CNTN5: variants seen among roughly 807,000 people sequenced by gnomAD.
CNTN5 encodes the protein contactin 5, also known as contactin-5.
In CNTN5, 77 loss-of-function variants were observed where a neutral mutation model predicts 129.1. That is an observed-to-expected ratio of 0.60 (90% CI 0.50 to 0.72). CNTN5 has a LOEUF of 0.72. CNTN5 is among the 30% of genes least tolerant of loss of function. The probability of loss-of-function intolerance (pLI) is 0.00; values close to 1 mark genes in which losing one functional copy is unlikely to be tolerated. For synonymous variants in CNTN5, 509 were observed against 465.6 expected (o/e 1.09, Z -1.20); for missense variants, 1,478 against 1,328.8 (o/e 1.11, Z -1.75).
chr11:99,057,367 A>G (rs1418910092), intron 1 of CNTN5, among the ~76,000 whole-genome samples: 1 of 152,038 alleles, frequency 6.6e-6, no homozygotes, highest in Non-Finnish European at 1.5e-5. Flanking sequence ...TGGCCTTATA[A>G]TAAATAATGC....
intron 8 of CNTN5, among the ~76,000 whole-genome samples, chr11:99,992,457 C>A (rs1939171540): frequency 6.6e-6 from 1 of 152,146 alleles, no homozygotes; most frequent in African/African-American, 2.4e-5. Context: ...GTCAGTTATA[C>A]TCTAATCCTC....
At position 99,433,421 on chromosome 11, in the gene CNTN5, G is replaced by A. The variant is rs936833418; in HGVS notation, c.-71+107937G>A. ...TGTGTGTCTTTGTGTGTGTGTGTGT[G>A]TCTATGTTATAGTTAAACTTTTAGG... On this transcript the variant is annotated intron_variant, in intron 2 of 24. Coordinates refer to ENST00000524871, the MANE Select transcript of CNTN5 (RefSeq NM_014361.4). Among the ~76,000 whole-genome samples, 32 of 132,984 alleles carry A rather than the reference G, an allele frequency of 2.4e-4. 1 individual carries two copies. Among genetic ancestry groups the A allele is most frequent in the African/African-American group, 8.9e-4 (32 of 35,872 alleles). 87.2% of individuals were successfully genotyped at this position (132,984 alleles called of 152,430 possible).
intron 6 of CNTN5, among the ~76,000 whole-genome samples, chr11:99,875,520 A>C (rs1948610253): frequency 6.6e-6 from 1 of 152,170 alleles, no homozygotes; most frequent in African/African-American, 2.4e-5. Flanking sequence ...AAGGTATTAA[A>C]AATTATAAAA....
intron 3 of CNTN5, among the ~76,000 whole-genome samples, chr11:99,646,142 T>C (rs1951951067): frequency 6.6e-6 from 1 of 152,110 alleles, no homozygotes; most frequent in Non-Finnish European, 1.5e-5. Context: ...TTATTTGCAG[T>C]CGAAAACATT....
At chr11:99,530,416 T>C (rs1427631406) in intron 2 of CNTN5, among the ~76,000 whole-genome samples, 3 of 152,196 alleles carry the variant, frequency 2.0e-5, no homozygotes, top group Non-Finnish European at 4.4e-5. Context: ...CATTGATTCA[T>C]ACAATAACAA....
At chr11:99,049,298 CTGAG>C (rs1252055768) in intron 1 of CNTN5, among the ~76,000 whole-genome samples, 10 of 152,036 alleles carry the variant, frequency 6.6e-5, no homozygotes, top group Admixed American at 6.6e-4. Context: ...GCATATTTAC[CTGAG>C]TTAGGTAGAT....
chr11:99,081,068 A>G lies in CNTN5; in HGVS notation c.-210+59798A>G, dbSNP rs143805548. 7.1e-4 allele frequency among the ~76,000 whole-genome samples: 105 copies of G among 146,888 alleles called. 1 individual carries two copies. Among genetic ancestry groups the G allele is most frequent in the African/African-American group, 2.6e-3 (103 of 39,604 alleles). On this transcript the variant is annotated intron_variant, in intron 1 of 24. Transcript: ENST00000524871. ...GGTAAAATGGAAATTTTTATTTTCC[A>G]AATGCATATGCAGCCCCCTGAAATA...
intron 3 of CNTN5, among the ~76,000 whole-genome samples, chr11:99,696,755 A>G (rs1954286031): frequency 6.6e-6 from 1 of 151,920 alleles, no homozygotes; most frequent in Non-Finnish European, 1.5e-5. Flanking sequence ...ATTTCAGATG[A>G]TGTTATTGGT....
intron 20 of CNTN5, among the ~76,000 whole-genome samples, chr11:100,306,844 A>G (rs775835272): frequency 6.6e-6 from 1 of 151,714 alleles, no homozygotes; most frequent in Non-Finnish European, 1.5e-5. Context: ...AAAATAATAA[A>G]AAATATTCAA....
chr11:99,082,246 C>A (rs773518480), intron 1 of CNTN5, among the ~76,000 whole-genome samples: 1 of 146,362 alleles, frequency 6.8e-6, no homozygotes, highest in African/African-American at 2.6e-5. Context: ...AGTGCAGTGG[C>A]GTGATGTCTG....
At chr11:100,340,729 T>C (rs1952140440) in intron 22 of CNTN5, 80 bp downstream of exon 22, 15 of 1,252,928 alleles carry the variant, frequency 1.2e-5, no homozygotes, top group African/African-American at 1.5e-5. Flanking sequence ...GTGAGGTGCA[T>C]AATAAGCAGA....
At chr11:99,792,131 CTA>C (rs1276616976) in intron 3 of CNTN5, among the ~76,000 whole-genome samples, 1 of 151,956 alleles carries the variant, frequency 6.6e-6, no homozygotes, top group African/African-American at 2.4e-5. Flanking sequence ...ATCTCCAATA[CTA>C]TGTTTAATAG....
chr11:99,162,497 G>T (rs563878420), intron 1 of CNTN5, among the ~76,000 whole-genome samples: 41 of 151,978 alleles, frequency 2.7e-4, no homozygotes, highest in Non-Finnish European at 4.7e-4. Flanking sequence ...TCTATCTCTG[G>T]ATTTCAATCC....
intron 9 of CNTN5, among the ~76,000 whole-genome samples, chr11:100,053,640 G>T (rs1179876378): frequency 6.6e-6 from 1 of 151,756 alleles, no homozygotes; most frequent in African/African-American, 2.4e-5. Context: ...AAATTATACA[G>T]GTACAATGGA....
chr11:99,249,855 A>T (rs1019079356), intron 1 of CNTN5, among the ~76,000 whole-genome samples: 1 of 152,028 alleles, frequency 6.6e-6, no homozygotes, highest in Non-Finnish European at 1.5e-5. Context: ...TTGAGTATTA[A>T]CTGTAGCTCC....
intron 7 of CNTN5, among the ~76,000 whole-genome samples, chr11:99,940,370 T>G (rs1950408437): frequency 6.6e-6 from 1 of 152,112 alleles, no homozygotes; most frequent in Admixed American, 6.6e-5. Flanking sequence ...GACAATAAAC[T>G]AATGAACTAA....
At chr11:99,993,418 T>G (rs1265568315) in intron 8 of CNTN5, among the ~76,000 whole-genome samples, 1 of 152,156 alleles carries the variant, frequency 6.6e-6, no homozygotes, top group Non-Finnish European at 1.5e-5. Flanking sequence ...GCTAAGGCAG[T>G]GGGTGGTTCC....
chr11:99,744,543 TAAAAAAAAAAAAAA>T lies in CNTN5; in HGVS notation c.56-74984_56-74971del, dbSNP rs553540845. On this transcript the variant is annotated intron_variant, in intron 3 of 24. Transcript: ENST00000524871. Reference sequence around the variant, plus strand: ...GCAAAACCCCGTCTCTACAAAAAGTTAAAAAAAAAAAAAAAAAAAAAAAAAAAAAAGCTGGGTGT... The same window carrying T: ...GCAAAACCCCGTCTCTACAAAAAGTTAAAAAAAAAAAAAAAAGCTGGGTGT... 2.9e-4 allele frequency among the ~76,000 whole-genome samples: 11 copies of T among 37,494 alleles called. No individual in the cohort carries two copies. In the Admixed American group the frequency reaches 3.0e-3, roughly 10 times the overall value. The allele number at this position is 37,494 out of a possible 152,430, so 24.6% of individuals were successfully genotyped here. A position where few individuals can be genotyped will look rare whatever the true frequency, so the allele number is the denominator to read the frequency against.
intron 1 of CNTN5, among the ~76,000 whole-genome samples, chr11:99,282,999 C>T (rs537397467): frequency 2.0e-5 from 3 of 152,078 alleles, no homozygotes; most frequent in South Asian, 2.1e-4. Flanking sequence ...ATTCAACAGA[C>T]GTATCATATC....
Sources: gnomAD v4.1 joint callset for allele counts (sites outside exome capture counted in the v4.1 genomes callset) on GRCh38, gnomAD v4.1.1 for gene constraint, MANE v1.5 for transcripts, NCBI Gene and HGNC (gene_info 2026-07-23, HGNC 2026-07-21) for gene names.